Variants in ST8SIA1 observed in about 807,000 individuals in gnomAD.
ST8SIA1 encodes the protein ST8 alpha-N-acetyl-neuraminide alpha-2,8-sialyltransferase 1.
Under a neutral mutation model 35.9 loss-of-function variants are expected in ST8SIA1, and 16 were observed. The observed-to-expected ratio is 0.45, with a 90% CI of 0.30 to 0.68. ST8SIA1 has a LOEUF of 0.68. Ranked by LOEUF, ST8SIA1 falls within the 30% of genes least tolerant of loss-of-function variation. ST8SIA1 has a pLI of 0.09. For missense variants in ST8SIA1, 383 were observed against 453.6 expected, an observed-to-expected ratio of 0.84 and a Z score of 1.41; for synonymous variants, 170 against 169.6, an observed-to-expected ratio of 1.00 and a Z score of -0.02.
At chr12:22,333,229 T>C (rs1313454913) in intron 1 of ST8SIA1, among the ~76,000 whole-genome samples, 3 of 152,224 alleles carry the variant, frequency 2.0e-5, no homozygotes, top group African/African-American at 7.2e-5. Flanking sequence ...AGGTGCCTAC[T>C]TAAAGTACAT....
chr12:22,312,819 T>A (rs1170329969), intron 1 of ST8SIA1, among the ~76,000 whole-genome samples: 2 of 151,766 alleles, frequency 1.3e-5, no homozygotes, highest in Non-Finnish European at 2.9e-5. Flanking sequence ...CTAAACTGAG[T>A]ATACCATATT....
At chr12:22,259,775 A>T (rs932628579) in intron 2 of ST8SIA1, among the ~76,000 whole-genome samples, 19 of 152,114 alleles carry the variant, frequency 1.2e-4, no homozygotes, top group African/African-American at 4.3e-4. Context: ...CAAAAATACT[A>T]TGGATTTTTT....
chr12:22,309,603 T>C (rs1472337972), intron 1 of ST8SIA1, among the ~76,000 whole-genome samples: 2 of 152,192 alleles, frequency 1.3e-5, no homozygotes, highest in Non-Finnish European at 2.9e-5. Flanking sequence ...CTCTGCTCAG[T>C]ATAAATTCTT....
chr12:22,316,659 A>G (rs577748557), intron 1 of ST8SIA1, among the ~76,000 whole-genome samples: 43 of 152,194 alleles, frequency 2.8e-4, no homozygotes, highest in Non-Finnish European at 5.0e-4. Context: ...ATTCAAACAT[A>G]AACGTAAGCA....
chr12:22,298,926 A>T (rs1308992580), intron 1 of ST8SIA1, among the ~76,000 whole-genome samples: 3 of 152,216 alleles, frequency 2.0e-5, no homozygotes, highest in Non-Finnish European at 4.4e-5. Flanking sequence ...ATTTTTTTTT[A>T]AACTTGGAAG....
chr12:22,275,551 G>C (rs3819872), intron 2 of ST8SIA1, among the ~76,000 whole-genome samples: 80,746 of 151,686 alleles, frequency 0.53, 22,415 homozygotes, highest in Middle Eastern at 0.71. Flanking sequence ...GAGACTCCGT[G>C]TCAAAAAAAA....
At chr12:22,208,418 T>A (rs1008147099) in intron 4 of ST8SIA1, among the ~76,000 whole-genome samples, 7 of 152,062 alleles carry the variant, frequency 4.6e-5, no homozygotes, top group African/African-American at 1.7e-4. Flanking sequence ...ACAGCAGGAA[T>A]CATATATTAA....
In ST8SIA1 at chr12:22,228,001, C is replaced by G. The variant is rs1374672287; in HGVS notation, c.584+21005G>C. On this transcript the variant is annotated intron_variant, in intron 4 of 4. Transcript: ENST00000396037. ...CAGCTGCACTGTTCTAAGGGCTCTT[C>G]TTCTCATCTTCCCTCCTTGAATGGT... 2.0e-5 allele frequency among the ~76,000 whole-genome samples: 3 copies of G among 152,332 alleles called. No homozygotes were observed. The East Asian group carries it at 5.8e-4, about 29-fold the overall frequency.
intron 4 of ST8SIA1, among the ~76,000 whole-genome samples, chr12:22,231,652 C>T (rs555997900): frequency 2.2e-4 from 34 of 152,122 alleles, no homozygotes; most frequent in Admixed American, 5.2e-4. Flanking sequence ...TGGCTCACTG[C>T]AAGCTCCGCC....
chr12:22,325,598 C>G (rs1338345127), intron 1 of ST8SIA1: 1 of 649,982 alleles, frequency 1.5e-6, no homozygotes, highest in Non-Finnish European at 2.8e-6. Context: ...AACTAGGAAT[C>G]TCCTCTTATC....
intron 2 of ST8SIA1, among the ~76,000 whole-genome samples, chr12:22,272,348 A>G (rs567013894): frequency 1.3e-5 from 2 of 152,322 alleles, no homozygotes; most frequent in South Asian, 4.1e-4. Flanking sequence ...GGACAGTCAA[A>G]AAGTTTTCAA....
At chr12:22,307,879 CTTT>C (rs1258057652) in intron 1 of ST8SIA1, among the ~76,000 whole-genome samples, 2 of 152,128 alleles carry the variant, frequency 1.3e-5, no homozygotes, top group Admixed American at 1.3e-4. Context: ...AGCTTAACTT[CTTT>C]ACTAATGAGT....
intron 2 of ST8SIA1, among the ~76,000 whole-genome samples, chr12:22,279,313 A>G (rs973752189): frequency 3.3e-5 from 5 of 152,228 alleles, no homozygotes; most frequent in African/African-American, 1.2e-4. Flanking sequence ...ATTTCAAAAC[A>G]TAACCCCAGG....
At chr12:22,214,862 G>A (rs572625608) in intron 4 of ST8SIA1, among the ~76,000 whole-genome samples, 7 of 152,182 alleles carry the variant, frequency 4.6e-5, no homozygotes, top group Non-Finnish European at 1.0e-4. Context: ...CTTTTCTGCT[G>A]TTGAGAAAAT....
At chr12:22,316,866 T>C (rs2135837240) in intron 1 of ST8SIA1, among the ~76,000 whole-genome samples, 1 of 152,308 alleles carries the variant, frequency 6.6e-6, no homozygotes, top group African/African-American at 2.4e-5. Flanking sequence ...TTATAATTTT[T>C]CACCTATATA....
chr12:22,243,491 C>T (rs1165336671), intron 4 of ST8SIA1, among the ~76,000 whole-genome samples: 2 of 152,146 alleles, frequency 1.3e-5, no homozygotes, highest in Admixed American at 6.5e-5. Flanking sequence ...ATTTTAATCC[C>T]TATATACAAG....
chr12:22,269,683 C>T (rs750035913), intron 2 of ST8SIA1, among the ~76,000 whole-genome samples: 17 of 152,118 alleles, frequency 1.1e-4, no homozygotes, highest in East Asian at 3.8e-4. Context: ...AGCTGAGAAA[C>T]GGGAGTATCA....
In ST8SIA1 at chr12:22,198,539, A is replaced by ACACACACACG. The variant is rs1865015121; in HGVS notation, c.*3012_*3013insCGTGTGTGTG. On this transcript the variant is annotated 3_prime_UTR_variant, in exon 5 of 5. Transcript: ENST00000396037. Reference sequence around the variant, plus strand: ...CTTCATGCTACACACACACACACACACACACACACACACACACACACACAC... The same window carrying ACACACACACG: ...CTTCATGCTACACACACACACACACACACACACACGCACACACACACACACACACACACAC... The ACACACACACG allele has an allele frequency of 6.6e-6, 1 of 152,056 alleles. No individual in the cohort carries two copies. Among genetic ancestry groups the ACACACACACG allele is most frequent in the Admixed American group, 6.6e-5 (1 of 15,140 alleles). The allele number at this position is 152,056 out of a possible 1,614,324, so 9.4% of individuals were successfully genotyped here.
intron 4 of ST8SIA1, among the ~76,000 whole-genome samples, chr12:22,222,650 A>G (rs2120666419): frequency 6.6e-6 from 1 of 152,108 alleles, no homozygotes; most frequent in South Asian, 2.1e-4. Context: ...ATATACATAT[A>G]CTTATATACA....
Sources: gnomAD v4.1 joint callset for allele counts (sites outside exome capture counted in the v4.1 genomes callset) on GRCh38, gnomAD v4.1.1 for gene constraint, MANE v1.5 for transcripts, NCBI Gene and HGNC (gene_info 2026-07-23, HGNC 2026-07-21) for gene names.